The following CYB5R4 variants were observed in gnomAD, a reference collection of about 807,000 sequenced individuals.
CYB5R4 encodes cytochrome b5 reductase 4.
In CYB5R4, 55 loss-of-function variants were observed where a neutral mutation model predicts 70.2. The ratio of observed to expected loss-of-function variants is 0.78; its 90% CI spans 0.63 to 0.98. The LOEUF is 0.98. Ranked by LOEUF, CYB5R4 falls within the 50% of genes least tolerant of loss-of-function variation. The probability of loss-of-function intolerance (pLI) is 0.00; values close to 1 mark genes in which losing one functional copy is unlikely to be tolerated. For synonymous variants in CYB5R4, 197 were observed against 199.5 expected, an observed-to-expected ratio of 0.99 and a Z score of 0.11; for missense variants, 562 against 612.6, an observed-to-expected ratio of 0.92 and a Z score of 0.87.
chr6:83,919,368 T>G, intron 6 of CYB5R4, 29 bp from the exon 7 acceptor site: 1 of 1,241,116 alleles, frequency 8.1e-7, no homozygotes, highest in Non-Finnish European at 1.1e-6. Context: ...GTCAATATAA[T>G]TATTCATCCT....
At chr6:83,876,926 C>T (rs1356525392) in intron 2 of CYB5R4, among the ~76,000 whole-genome samples, 1 of 152,070 alleles carries the variant, frequency 6.6e-6, no homozygotes, top group Non-Finnish European at 1.5e-5. Flanking sequence ...CTTCGCCTCC[C>T]AGGCTCAAGG....
chr6:83,933,969 A>G (rs564177011), intron 10 of CYB5R4, among the ~76,000 whole-genome samples: 1 of 152,326 alleles, frequency 6.6e-6, no homozygotes, highest in African/African-American at 2.4e-5. Flanking sequence ...TATAAAATAC[A>G]TACACACAAA....
chr6:83,898,239 G>C (rs918117539), intron 3 of CYB5R4, among the ~76,000 whole-genome samples: 5 of 152,048 alleles, frequency 3.3e-5, no homozygotes, highest in African/African-American at 1.2e-4. Flanking sequence ...CCCATTTCTT[G>C]TTTTTGTCAG....
intron 1 of CYB5R4, 95 bp from the exon 2 acceptor site, chr6:83,864,080 G>C: frequency 1.8e-6 from 2 of 1,135,182 alleles, no homozygotes; most frequent in South Asian, 3.5e-5. Flanking sequence ...ACTGTAAAAG[G>C]ATTTATAGAA....
intron 5 of CYB5R4, among the ~76,000 whole-genome samples, chr6:83,915,800 A>T (rs898335076): frequency 4.6e-5 from 7 of 152,124 alleles, no homozygotes; most frequent in Admixed American, 4.6e-4. Flanking sequence ...TGCAAATGTG[A>T]TCTGCCTGCA....
chr6:83,916,034 T>G (rs1178765099), intron 5 of CYB5R4, among the ~76,000 whole-genome samples: 1 of 151,994 alleles, frequency 6.6e-6, no homozygotes, highest in Admixed American at 6.5e-5. Flanking sequence ...TATGTAAAGT[T>G]TGAGGGTTTT....
intron 4 of CYB5R4, among the ~76,000 whole-genome samples, chr6:83,913,885 T>C (rs1288169262): frequency 1.3e-5 from 2 of 152,194 alleles, no homozygotes; most frequent in Non-Finnish European, 2.9e-5. Context: ...TGTTAATTTT[T>C]TTCCTGGGTT....
intron 14 of CYB5R4, among the ~76,000 whole-genome samples, chr6:83,943,615 A>G (rs539465052): frequency 1.3e-5 from 2 of 152,200 alleles, no homozygotes; most frequent in Admixed American, 1.3e-4. Flanking sequence ...TGGATAATGA[A>G]TTTGACAAAT....
chr6:83,908,326 G>A (rs2099464133), intron 3 of CYB5R4, among the ~76,000 whole-genome samples: 1 of 151,864 alleles, frequency 6.6e-6, no homozygotes, highest in Non-Finnish European at 1.5e-5. Flanking sequence ...AGGATGTGCA[G>A]GTTTGTTATG....
intron 15 of CYB5R4, among the ~76,000 whole-genome samples, chr6:83,957,735 T>C (rs1167240948): frequency 2.0e-5 from 3 of 151,964 alleles, no homozygotes; most frequent in Non-Finnish European, 4.4e-5. Flanking sequence ...CCAGAGTTGC[T>C]CAGGAGTATT....
intron 3 of CYB5R4, among the ~76,000 whole-genome samples, chr6:83,907,211 G>T (rs923125181): frequency 5.3e-5 from 8 of 152,098 alleles, no homozygotes; most frequent in African/African-American, 1.9e-4. Flanking sequence ...AAAGTGCTGG[G>T]ATTACAGGCA....
chr6:83,925,524 GAAGTGCTCTAC>G (rs2099467134), intron 10 of CYB5R4, among the ~76,000 whole-genome samples: 1 of 152,082 alleles, frequency 6.6e-6, no homozygotes, highest in Non-Finnish European at 1.5e-5. Flanking sequence ...GTGCATATTA[GAAGTGCTCTAC>G]TTGATGATAC....
chr6:83,871,464 T>A, intron 2 of CYB5R4, among the ~76,000 whole-genome samples: 1 of 152,168 alleles, frequency 6.6e-6, no homozygotes. Context: ...TTCCTTCTCC[T>A]CCTTTTTTTC....
At chr6:83,901,378 T>G (rs1368858620) in intron 3 of CYB5R4, among the ~76,000 whole-genome samples, 2 of 152,236 alleles carry the variant, frequency 1.3e-5, no homozygotes, top group African/African-American at 4.8e-5. Flanking sequence ...CCTTTCTCTC[T>G]GGCTGCCCTT....
At chr6:83,893,277 C>G (rs2099461414) in intron 2 of CYB5R4, among the ~76,000 whole-genome samples, 2 of 152,170 alleles carry the variant, frequency 1.3e-5, no homozygotes, top group African/African-American at 4.8e-5. Context: ...GTGCTAAACT[C>G]TTCTTTGTCT....
chr6:83,937,808 T>C (rs543848649), intron 12 of CYB5R4, among the ~76,000 whole-genome samples: 2 of 152,316 alleles, frequency 1.3e-5, no homozygotes, highest in African/African-American at 4.8e-5. Flanking sequence ...TGTGAGCCAC[T>C]GTGCCCAGCC....
intron 4 of CYB5R4, among the ~76,000 whole-genome samples, chr6:83,914,208 G>C (rs1034400685): frequency 3.3e-5 from 5 of 152,096 alleles, no homozygotes; most frequent in African/African-American, 4.8e-5. Flanking sequence ...CAAACATCTG[G>C]AGAAATATGG....
chr6:83,948,383 G>A (rs185931053), intron 14 of CYB5R4, among the ~76,000 whole-genome samples: 398 of 152,268 alleles, frequency 2.6e-3, no homozygotes, highest in African/African-American at 8.0e-3. Context: ...GGGGGCCAAA[G>A]GGAGGGATAG....
At chr6:83,915,281 T>C (rs2099465325) in intron 5 of CYB5R4, among the ~76,000 whole-genome samples, 1 of 152,198 alleles carries the variant, frequency 6.6e-6, no homozygotes, top group Admixed American at 6.5e-5. Context: ...ATTTTTTTCT[T>C]TCATTTGCAA....
Sources: allele counts gnomAD v4.1 joint callset (sites outside exome capture counted in the v4.1 genomes callset), GRCh38; gene constraint gnomAD v4.1.1; transcripts MANE v1.5; gene names NCBI Gene and HGNC (gene_info 2026-07-23, HGNC 2026-07-21).